Variants in KPNA4 observed in about 807,000 individuals in gnomAD.
KPNA4 encodes karyopherin subunit alpha 4, also known as importin subunit alpha-3.
In KPNA4, 13 loss-of-function variants were observed where a neutral mutation model predicts 71.3. That is an observed-to-expected ratio of 0.18 (90% CI 0.12 to 0.29). The LOEUF is 0.29. KPNA4 is among the 10% of genes least tolerant of loss of function. The probability of loss-of-function intolerance (pLI) is 1.00; values close to 1 mark genes in which losing one functional copy is unlikely to be tolerated. For synonymous variants in KPNA4, 189 were observed against 195.2 expected (o/e 0.97, Z 0.26); for missense variants, 334 against 603.2 (o/e 0.55, Z 4.67).
chr3:160,543,316 T>G lies in KPNA4; in HGVS notation c.70-6476A>C, dbSNP rs140829094. On this transcript the variant is annotated intron_variant, in intron 1 of 16. Transcript: ENST00000334256. ...TTGTAAAGAGAATTCAATGGATCTC[T>G]GAGATCTTTTATGCCTCAAAAACTG... is the stretch of plus-strand genomic sequence containing the variant. Among the ~76,000 whole-genome samples the G allele has an allele frequency of 7.0e-3, 1,068 of 152,230 alleles. 18 individuals are homozygous for G. Among genetic ancestry groups the G allele is most frequent in the African/African-American group, 0.025 (1,024 of 41,528 alleles).
chr3:160,538,934 G>A (rs1402708030), intron 1 of KPNA4, among the ~76,000 whole-genome samples: 1 of 152,170 alleles, frequency 6.6e-6, no homozygotes, highest in East Asian at 1.9e-4. Context: ...ATAAAATTGG[G>A]ATAGTAAAAA....
At chr3:160,562,713 A>C in intron 1 of KPNA4, among the ~76,000 whole-genome samples, 1 of 152,214 alleles carries the variant, frequency 6.6e-6, no homozygotes, top group Non-Finnish European at 1.5e-5. Context: ...TGGAAGTGAA[A>C]ATATTCCTAC....
intron 15 of KPNA4, among the ~76,000 whole-genome samples, chr3:160,505,863 A>G (rs1720973333): frequency 6.6e-6 from 1 of 152,210 alleles, no homozygotes; most frequent in Admixed American, 6.5e-5. Context: ...CATGCATAAA[A>G]CTAAAATGCT....
At chr3:160,526,648 T>C (rs898106065) in intron 8 of KPNA4, among the ~76,000 whole-genome samples, 11 of 152,214 alleles carry the variant, frequency 7.2e-5, no homozygotes, top group African/African-American at 2.4e-4. Flanking sequence ...GTAGTCCTGA[T>C]TGCATGCTAA....
At position 160,521,834 on chromosome 3, in the gene KPNA4, G is replaced by C; in HGVS notation, c.848C>G (p.Ser283Cys). ...AGGAACCAAATGAGGAACTATTCCA[G>C]AGTCTATTACCATCTGTATTTGTTC... Reference protein sequence around the residue: ...GNEQIQMVIDSGIVPHLVPLL... With the variant: ...GNEQIQMVIDCGIVPHLVPLL... Residue 283 changes from serine (S) to cysteine (C), a missense_variant, in exon 11 of 17, where the codon TCT becomes TGT. By Grantham distance (112) the Ser-to-Cys change is moderately radical (BLOSUM62 -1). Coordinates refer to ENST00000334256, the MANE Select transcript of KPNA4 (RefSeq NM_002268.5). 16 of 1,612,946 alleles carry C rather than the reference G, an allele frequency of 9.9e-6. No homozygotes were observed. Among genetic ancestry groups the C allele is most frequent in the Non-Finnish European group, 1.4e-5 (16 of 1,179,884 alleles).
chr3:160,531,541 C>G lies in KPNA4; in HGVS notation c.304G>C (p.Asp102His). The G allele has an allele frequency of 6.3e-7, 1 of 1,583,712 alleles. No homozygotes were observed. Among genetic ancestry groups the G allele is most frequent in the Non-Finnish European group, 8.6e-7 (1 of 1,164,962 alleles). ...VQAARKLLSS[D>H]RNPPIDDLIK... Reference sequence around the variant, plus strand: ...AAGTCATCAATTGGTGGATTTCGATCACTGGACAAAAGCTTCCTGTAAGAG... The same window carrying G: ...AAGTCATCAATTGGTGGATTTCGATGACTGGACAAAAGCTTCCTGTAAGAG... The change falls in exon 6 of 17, where the codon GAT becomes CAT. Residue 102 changes from aspartate (D) to histidine (H), a missense_variant. By Grantham distance (81) the Asp-to-His change is moderately conservative (BLOSUM62 -1). Transcript: ENST00000334256.
intron 1 of KPNA4, among the ~76,000 whole-genome samples, chr3:160,541,716 CTAATT>C (rs1721802976): frequency 6.6e-6 from 1 of 150,780 alleles, no homozygotes; most frequent in Non-Finnish European, 1.5e-5. Context: ...AACAGTATTA[CTAATT>C]TAGAGACTCC....
chr3:160,553,425 G>A (rs1440492420), intron 1 of KPNA4, among the ~76,000 whole-genome samples: 3 of 152,154 alleles, frequency 2.0e-5, no homozygotes, highest in Admixed American at 6.6e-5. Context: ...ATAGAATTAC[G>A]TAAAGACTAA....
chr3:160,524,536 G>T (rs1721423539), intron 10 of KPNA4, among the ~76,000 whole-genome samples: 1 of 151,900 alleles, frequency 6.6e-6, no homozygotes, highest in Non-Finnish European at 1.5e-5. Context: ...TAGAGACAGG[G>T]TTTCGTCATG....
chr3:160,541,920 A>G (rs1387813537), intron 1 of KPNA4, among the ~76,000 whole-genome samples: 3 of 152,188 alleles, frequency 2.0e-5, no homozygotes, highest in African/African-American at 7.2e-5. Flanking sequence ...CATTCTAAAC[A>G]TGTTACTTGA....
intron 7 of KPNA4, among the ~76,000 whole-genome samples, chr3:160,530,524 A>G (rs879350368): frequency 3.3e-5 from 5 of 152,122 alleles, no homozygotes; most frequent in African/African-American, 4.8e-5. Context: ...AAAAAAAGAG[A>G]GGCTGAGAGG....
chr3:160,540,596 T>C (rs142694090), intron 1 of KPNA4, among the ~76,000 whole-genome samples: 41 of 152,318 alleles, frequency 2.7e-4, no homozygotes, highest in African/African-American at 8.7e-4. Flanking sequence ...CTCCAAACAA[T>C]AGTTGTTCTT....
rs1171837577 is a variant in KPNA4, at chr3:160,498,377, G to A, written c.*3727C>T. On this transcript the variant is annotated 3_prime_UTR_variant, in exon 17 of 17. Coordinates refer to ENST00000334256, the MANE Select transcript of KPNA4 (RefSeq NM_002268.5). ...TCCTTGTCATAGGAAGAACTCTTAA[G>A]ATGGCTCCCAAGATTCCCTGGTATA... is the stretch of plus-strand genomic sequence containing the variant. 1 of 152,206 alleles carries A rather than the reference G, an allele frequency of 6.6e-6. No homozygotes were observed. Among genetic ancestry groups the A allele is most frequent in the African/African-American group, 2.4e-5 (1 of 41,444 alleles). 9.4% of individuals were successfully genotyped at this position (152,206 alleles called of 1,614,324 possible). A position where few individuals can be genotyped will look rare whatever the true frequency, so the allele number is the denominator to read the frequency against.
At position 160,521,896 on chromosome 3, in the gene KPNA4, T is replaced by C. The variant is rs1168275681; in HGVS notation, c.786A>G (p.Thr262=). 1 of 1,611,118 alleles carries C rather than the reference T, an allele frequency of 6.2e-7. No individual in the cohort carries two copies. The highest frequency in any genetic ancestry group is 8.5e-7 in the Non-Finnish European group (1 of 1,178,412). The change falls in exon 11 of 17, where the codon ACA becomes ACG. Residue 262 remains threonine, a synonymous_variant. Coordinates refer to ENST00000334256, the MANE Select transcript of KPNA4 (RefSeq NM_002268.5). ...CAGTAAGGTAAGAGAGGGCCCAGAC[T>C]GTGTCTACCAGTATCTAATGAATAA... ...HHTDVNILVD[T]VWALSYLTDA...
chr3:160,530,833 T>A (rs1471407057), intron 7 of KPNA4, 22 bp downstream of exon 7: 3 of 1,525,082 alleles, frequency 2.0e-6, no homozygotes, highest in Non-Finnish European at 2.7e-6. Flanking sequence ...ATCACAATTA[T>A]GTTTATTAAT....
chr3:160,515,116 T>C (rs1277026696), intron 12 of KPNA4: 1 of 520,382 alleles, frequency 1.9e-6, no homozygotes, highest in East Asian at 5.4e-5. Flanking sequence ...CACACATGCA[T>C]ACACACTCTC....
intron 1 of KPNA4, among the ~76,000 whole-genome samples, chr3:160,544,273 A>T (rs1172956044): frequency 6.6e-6 from 1 of 152,200 alleles, no homozygotes; most frequent in Non-Finnish European, 1.5e-5. Context: ...GAAAGAAAAG[A>T]GGTTAGAAAT....
At chr3:160,524,006 C>A (rs955356898) in intron 10 of KPNA4, among the ~76,000 whole-genome samples, 9 of 152,120 alleles carry the variant, frequency 5.9e-5, no homozygotes, top group African/African-American at 2.2e-4. Flanking sequence ...GTTACTTGCT[C>A]ATAACTGTAT....
At chr3:160,565,174 C>T (rs759007725) in intron 1 of KPNA4, 40 bp downstream of exon 1, 1 of 1,539,324 alleles carries the variant, frequency 6.5e-7, no homozygotes, top group Non-Finnish European at 8.9e-7. Context: ...CGGCCCCAGG[C>T]CCACAGCCCC....
Sources: allele counts gnomAD v4.1 joint callset (sites outside exome capture counted in the v4.1 genomes callset), GRCh38; gene constraint gnomAD v4.1.1; transcripts MANE v1.5; gene names NCBI Gene and HGNC (gene_info 2026-07-23, HGNC 2026-07-21).